NKAP: variants seen among roughly 807,000 people sequenced by gnomAD.
NKAP encodes the protein NFKB activating protein.
Under a neutral mutation model 35.6 loss-of-function variants are expected in NKAP, and 4 were observed. The observed-to-expected ratio is 0.11, with a 90% CI of 0.06 to 0.26. The LOEUF is 0.26. NKAP is among the 10% of genes least tolerant of loss of function. The probability of loss-of-function intolerance (pLI) is 1.00; values close to 1 mark genes in which losing one functional copy is unlikely to be tolerated. For synonymous variants in NKAP, 106 were observed against 119.2 expected, an observed-to-expected ratio of 0.89 and a Z score of 0.72; for missense variants, 238 against 321.9, an observed-to-expected ratio of 0.74 and a Z score of 1.99.
chrX:119,943,163 A>T, intron 1 of NKAP, 57 bp downstream of exon 1: 1 of 1,130,710 alleles, frequency 8.8e-7, no homozygotes, highest in Admixed American at 2.9e-5. Flanking sequence ...TGAATGATAG[A>T]TCGGACTCCA....
At chrX:119,925,971 A>G (rs2056711069) in intron 8 of NKAP, among the ~76,000 whole-genome samples, 1 of 41,023 alleles carries the variant, frequency 2.4e-5, no homozygotes, top group Non-Finnish European at 3.9e-5. Context: ...TTTTTTTGAG[A>G]CGGAGTCTCG....
intron 1 of NKAP, chrX:119,942,946 T>C (rs900916570): frequency 1.5e-5 from 5 of 324,670 alleles, no homozygotes; most frequent in African/African-American, 1.1e-4. Flanking sequence ...GCTACAGTTC[T>C]GGTAGGTCTG....
chrX:119,932,271 A>C, intron 5 of NKAP, 55 bp from the exon 6 acceptor site: 9 of 880,875 alleles, frequency 1.0e-5, no homozygotes, highest in Non-Finnish European at 1.3e-5. Context: ...GTTAGAGGGC[A>C]TCTTAATTTT....
chrX:119,922,197 G>A lies in NKAP; in HGVS notation c.*3023C>T, dbSNP rs1467176635. 1 of 111,710 alleles carries A rather than the reference G, an allele frequency of 9.0e-6. No homozygotes were observed. Among genetic ancestry groups the A allele is most frequent in the Non-Finnish European group, 1.9e-5 (1 of 53,187 alleles). 9.2% of individuals were successfully genotyped at this position (111,710 alleles called of 1,213,427 possible). A position where few individuals can be genotyped will look rare whatever the true frequency, so the allele number is the denominator to read the frequency against. ...AATTCAGGTTTTATTATTCAGGGAA[G>A]TAGATGGATTGAGACTCAAAACTTT... On this transcript the variant is annotated 3_prime_UTR_variant, in exon 9 of 9. Transcript: ENST00000371410.
At chrX:119,940,367 A>C (rs930924374) in intron 1 of NKAP, among the ~76,000 whole-genome samples, 2 of 108,834 alleles carry the variant, frequency 1.8e-5, no homozygotes, top group Non-Finnish European at 3.8e-5. Context: ...AAAAAAAAAA[A>C]AAAAAACTAT....
rs1344418464 is a variant in NKAP at position 119,921,542 on chromosome X, G to C, written c.*3678C>G. On this transcript the variant is annotated 3_prime_UTR_variant, in exon 9 of 9. Coordinates refer to ENST00000371410, the MANE Select transcript of NKAP (RefSeq NM_024528.4). ...GTGGCAAACTAGATAAGTCTCCTTG[G>C]AGAACAAAAAATATATTTAAAATAC... The C allele has an allele frequency of 9.4e-6, 1 of 105,956 alleles. No individual in the cohort carries two copies. Among genetic ancestry groups the C allele is most frequent in the Non-Finnish European group, 1.9e-5 (1 of 51,777 alleles). The allele number at this position is 105,956 out of a possible 1,213,427, so 8.7% of individuals were successfully genotyped here. A position where few individuals can be genotyped will look rare whatever the true frequency, so the allele number is the denominator to read the frequency against.
Position 119,925,165 on chromosome X carries a change from A to C in NKAP, c.*55T>G. ...ATAATCTTTTTCTATGTATGTGTGG[A>C]ACCCAGACTTTCTTTTTTGTTGTTA... On this transcript the variant is annotated 3_prime_UTR_variant, in exon 9 of 9. Transcript: ENST00000371410. 8.8e-7 allele frequency: 1 copy of C among 1,140,181 alleles called. No individual in the cohort carries two copies. Among genetic ancestry groups the C allele is most frequent in the East Asian group, 3.0e-5 (1 of 33,567 alleles). The allele number at this position is 1,140,181 out of a possible 1,213,427, so 94.0% of individuals were successfully genotyped here.
chrX:119,925,760 C>T (rs2056707702), intron 8 of NKAP, among the ~76,000 whole-genome samples: 1 of 108,810 alleles, frequency 9.2e-6, no homozygotes, highest in Non-Finnish European at 1.9e-5. Context: ...GTTGGCTAGG[C>T]TGATCTCGAA....
intron 8 of NKAP, among the ~76,000 whole-genome samples, chrX:119,927,977 T>C (rs1290721353): frequency 1.8e-5 from 2 of 112,458 alleles, no homozygotes; most frequent in Non-Finnish European, 3.7e-5. Context: ...CTTACCTTCT[T>C]GCTCTTCTTC....
At position 119,936,359 on chromosome X, in the gene NKAP, C is replaced by T; in HGVS notation, c.611G>A (p.Arg204Lys). The change falls in exon 4 of 9, where the codon AGA (arginine) becomes AAA (lysine). Residue 204 changes from arginine to lysine, a missense_variant. By Grantham distance (26) the Arg-to-Lys change is conservative. Coordinates refer to ENST00000371410, the MANE Select transcript of NKAP (RefSeq NM_024528.4). Reference protein sequence around the residue: ...KKRRKKKSSKRKHKKYSEDSD... With the variant: ...KKRRKKKSSKKKHKKYSEDSD... ...ATCTTCAGAATACTTCTTATGTTTT[C>T]TTTTCGATGATTTTTTCTTTCTCCT... is the stretch of plus-strand genomic sequence containing the variant. 8.4e-7 allele frequency: 1 copy of T among 1,190,986 alleles called. No homozygotes were observed. Among genetic ancestry groups the T allele is most frequent in the Non-Finnish European group, 1.1e-6 (1 of 886,775 alleles).
At chrX:119,927,137 TC>T (rs1011452978) in intron 8 of NKAP, among the ~76,000 whole-genome samples, 4 of 105,488 alleles carry the variant, frequency 3.8e-5, no homozygotes, top group African/African-American at 1.4e-4. Context: ...GGATTTAACT[TC>T]CAAGTCTCCC....
intron 1 of NKAP, among the ~76,000 whole-genome samples, chrX:119,940,468 A>T (rs2056787967): frequency 9.1e-6 from 1 of 109,749 alleles, no homozygotes; most frequent in Non-Finnish European, 1.9e-5. Context: ...TCTTTGAAGG[A>T]CACTAAAATT....
At chrX:119,941,939 T>A (rs1401698964) in intron 1 of NKAP, among the ~76,000 whole-genome samples, 1 of 112,339 alleles carries the variant, frequency 8.9e-6, no homozygotes, top group Non-Finnish European at 1.9e-5. Flanking sequence ...AAAAAATGCA[T>A]AGTTTTAAGG....
chrX:119,934,665 G>T, intron 4 of NKAP, 108 bp from the exon 5 acceptor site: 1 of 483,358 alleles, frequency 2.1e-6, no homozygotes, highest in South Asian at 4.4e-5. Flanking sequence ...TTGTTACAAA[G>T]AAATTACCTC....
chrX:119,936,705 T>G, intron 2 of NKAP, 23 bp from the exon 3 acceptor site: 11 of 1,118,828 alleles, frequency 9.8e-6, no homozygotes, highest in African/African-American at 1.8e-5. Flanking sequence ...AAAATGGTTA[T>G]AAGAATTAGG....
intron 8 of NKAP, among the ~76,000 whole-genome samples, chrX:119,927,329 C>T (rs1190515476): frequency 9.2e-6 from 1 of 109,127 alleles, no homozygotes; most frequent in African/African-American, 3.3e-5. Context: ...GTATGGTTAT[C>T]TTTGGGCTCT....
chrX:119,936,283 G>A lies in NKAP; in HGVS notation c.673+14C>T, dbSNP rs2056765398. On this transcript the variant is annotated intron_variant, in intron 4 of 8. Coordinates refer to ENST00000371410, the MANE Select transcript of NKAP (RefSeq NM_024528.4). Reference sequence around the variant, plus strand: ...TTTGAAGCAAGGCTTGCAGAATGCTGTTGGCGTTCTTACCACTGGAGTCTG... The same window carrying A: ...TTTGAAGCAAGGCTTGCAGAATGCTATTGGCGTTCTTACCACTGGAGTCTG... 8.3e-7 allele frequency: 1 copy of A among 1,200,060 alleles called. No individual in the cohort carries two copies.
At position 119,925,036 on chromosome X, in the gene NKAP, C is replaced by T; in HGVS notation, c.*184G>A. 1 of 481,483 alleles carries T rather than the reference C, an allele frequency of 2.1e-6. No homozygotes were observed. Among genetic ancestry groups the T allele is most frequent in the Non-Finnish European group, 3.4e-6 (1 of 297,345 alleles). 39.7% of individuals were successfully genotyped at this position (481,483 alleles called of 1,213,427 possible). A position where few individuals can be genotyped will look rare whatever the true frequency, so the allele number is the denominator to read the frequency against. On this transcript the variant is annotated 3_prime_UTR_variant, in exon 9 of 9. Coordinates refer to ENST00000371410, the MANE Select transcript of NKAP (RefSeq NM_024528.4). ...AGTTACTATGGTCAATCCAAAATAA[C>T]CCAAAGAACTTGCTAAAGTTATATC...
chrX:119,938,545 T>A (rs2056777589), intron 2 of NKAP, among the ~76,000 whole-genome samples, 185 bp downstream of exon 2: 1 of 112,081 alleles, frequency 8.9e-6, no homozygotes, highest in Non-Finnish European at 1.9e-5. Context: ...TAAAACCTAC[T>A]AGCAACATGT....
Sources: allele counts gnomAD v4.1 joint callset (sites outside exome capture counted in the v4.1 genomes callset), GRCh38; gene constraint gnomAD v4.1.1; transcripts MANE v1.5; gene names NCBI Gene and HGNC (gene_info 2026-07-23, HGNC 2026-07-21).